The following SEMA4A variants were observed in gnomAD, a reference collection of about 807,000 sequenced individuals.
SEMA4A encodes the protein semaphorin 4A.
Under a neutral mutation model 72.5 loss-of-function variants are expected in SEMA4A, and 52 were observed. The observed-to-expected ratio is 0.72, with a 90% CI of 0.57 to 0.90. The LOEUF is 0.90. Among genes scored for constraint, SEMA4A ranks in the 40% least tolerant of loss-of-function variants. The pLI, the probability that SEMA4A is intolerant of heterozygous loss-of-function variation, is 0.00. For missense variants in SEMA4A, 926 were observed against 959.7 expected, an observed-to-expected ratio of 0.96 and a Z score of 0.46; for synonymous variants, 369 against 393.1, an observed-to-expected ratio of 0.94 and a Z score of 0.73.
chr1:156,160,918 T>C lies in SEMA4A; in HGVS notation c.699T>C (p.Phe233=), dbSNP rs1015406149. The C allele has an allele frequency of 3.1e-6, 5 of 1,613,182 alleles. No homozygotes were observed. Among genetic ancestry groups the C allele is most frequent in the South Asian group, 2.2e-5 (2 of 91,054 alleles). ...CCTCCCCCGCAGATGACGCCTCCTTTGTGGCAGCCATCCCTTCGACCCAGG... is the reference window on the plus strand; with the variant it reads ...CCTCCCCCGCAGATGACGCCTCCTTCGTGGCAGCCATCCCTTCGACCCAGG... The part of the protein sequence containing the change: ...FLRWLHHDAS[F]VAAIPSTQVV... Residue 233 remains phenylalanine (F), a synonymous_variant, in exon 8 of 15, where the codon TTT becomes TTC. Coordinates refer to ENST00000368285, the MANE Select transcript of SEMA4A (RefSeq NM_022367.4).
At chr1:156,161,695 G>A in intron 9 of SEMA4A, 177 bp downstream of exon 9, 3 of 619,712 alleles carry the variant, frequency 4.8e-6, no homozygotes, top group Non-Finnish European at 8.3e-6. Flanking sequence ...TTTTGTAAAT[G>A]GGAAAAATAA....
intron 10 of SEMA4A, among the ~76,000 whole-genome samples, chr1:156,168,475 C>T (rs111616737): frequency 0.016 from 2,490 of 152,214 alleles, 69 homozygotes; most frequent in African/African-American, 0.057. Flanking sequence ...CTGCCCGTCT[C>T]GGCCTCCCAA....
upstream of SEMA4A, among the ~76,000 whole-genome samples, chr1:156,150,511 T>C (rs1462074856): frequency 6.6e-6 from 1 of 152,018 alleles, no homozygotes; most frequent in Non-Finnish European, 1.5e-5. Context: ...AGAACTGGAC[T>C]CTTCTGTGGG....
At chr1:156,168,908 G>A (rs1654439085) in intron 10 of SEMA4A, among the ~76,000 whole-genome samples, 1 of 152,196 alleles carries the variant, frequency 6.6e-6, no homozygotes, top group Non-Finnish European at 1.5e-5. Context: ...CAGGGGAAGA[G>A]GGTTGGGTTT....
chr1:156,158,906 C>CCTGCCTTTTGG, intron 6 of SEMA4A, 82 bp downstream of exon 6: 1 of 1,279,300 alleles, frequency 7.8e-7, no homozygotes, highest in Non-Finnish European at 1.1e-6. Context: ...CAGAGTTTTC[C>CCTGCCTTTTGG]AAAAGGCAGG....
chr1:156,170,967 C>G (rs902657978), intron 10 of SEMA4A, among the ~76,000 whole-genome samples: 10 of 151,870 alleles, frequency 6.6e-5, no homozygotes, highest in Non-Finnish European at 1.0e-4. Context: ...AATCCCAGCA[C>G]TTTGGGAGGC....
At chr1:156,154,947 A>G (rs1652876618) in intron 2 of SEMA4A, 1 of 593,328 alleles carries the variant, frequency 1.7e-6, no homozygotes, top group African/African-American at 1.9e-5. Context: ...ACAGGTGGCC[A>G]CGGGGCCAGG....
chr1:156,154,815 G>C, intron 2 of SEMA4A, 98 bp downstream of exon 2: 1 of 1,360,356 alleles, frequency 7.4e-7, no homozygotes, highest in Non-Finnish European at 1.0e-6. Flanking sequence ...AAATGGATAT[G>C]GAGAAACAGG....
Position 156,163,105 on chromosome 1 carries a change from C to T in SEMA4A, c.1134+11C>T. 1.2e-6 allele frequency: 2 copies of T among 1,607,716 alleles called. No individual in the cohort carries two copies. Among genetic ancestry groups the T allele is most frequent in the Non-Finnish European group, 8.5e-7 (1 of 1,176,178 alleles). On this transcript the variant is annotated intron_variant, in intron 10 of 14. Coordinates refer to ENST00000368285, the MANE Select transcript of SEMA4A (RefSeq NM_022367.4). Reference sequence around the variant, plus strand: ...CCCCGGCCAGGCAGTGTGAGTACTACCCCCCACACTGAGCACAGTCTACAC... The same window carrying T: ...CCCCGGCCAGGCAGTGTGAGTACTATCCCCCACACTGAGCACAGTCTACAC...
rs1183207437 is a variant in SEMA4A, at chr1:156,177,602, G to C, written c.*605G>C. 1.2e-5 allele frequency: 2 copies of C among 162,690 alleles called. No homozygotes were observed. The highest frequency in any genetic ancestry group is 2.7e-5 in the Non-Finnish European group (2 of 73,124). 10.1% of individuals were successfully genotyped at this position (162,690 alleles called of 1,614,324 possible). A position where few individuals can be genotyped will look rare whatever the true frequency, so the allele number is the denominator to read the frequency against. On this transcript the variant is annotated 3_prime_UTR_variant, in exon 15 of 15. Transcript: ENST00000368285. ...GACTCTGATCCCTTCTGCCCTGGCA[G>C]AATGGCAGGGGTAATCTGAGCCTTC...
chr1:156,175,184 C>A lies in SEMA4A; in HGVS notation c.1533C>A (p.Asp511Glu). 6.2e-7 allele frequency: 1 copy of A among 1,614,094 alleles called. No individual in the cohort carries two copies. ...GTGTGGACTGTGTCCTTGCCCGGGA[C>A]CCCCACTGTGCCTGGGACCCTGAGT... The part of the protein sequence containing the change: ...ESCVDCVLAR[D>E]PHCAWDPESR... Residue 511 changes from aspartate to glutamate, a missense_variant, in exon 13 of 15, where the codon GAC becomes GAA. Transcript: ENST00000368285.
chr1:156,174,739 T>G, intron 11 of SEMA4A, 83 bp from the exon 12 acceptor site: 1 of 1,582,520 alleles, frequency 6.3e-7, no homozygotes, highest in Non-Finnish European at 8.7e-7. Flanking sequence ...AGGAGCTTTC[T>G]TACAGCTGGG....
intron 1 of SEMA4A, 56 bp from the exon 2 acceptor site, chr1:156,154,494 G>A (rs2102932142): frequency 2.0e-6 from 3 of 1,497,336 alleles, no homozygotes; most frequent in South Asian, 1.2e-5. Flanking sequence ...TTGGTCCTCG[G>A]GGGGATGTGG....
Position 156,175,555 on chromosome 1 carries a change from G to A in SEMA4A, c.1593-1G>A. Reference sequence around the variant, plus strand: ...AATTTTTACTTTCTCTGCTCTCTTAGGAACTCCTGGAAGCAGGACATGGAG... The same window carrying A: ...AATTTTTACTTTCTCTGCTCTCTTAAGAACTCCTGGAAGCAGGACATGGAG... On this transcript the variant is annotated splice_acceptor_variant, in intron 13 of 14. Transcript: ENST00000368285. LOFTEE classifies it high-confidence loss of function. The A allele has an allele frequency of 1.2e-6, 2 of 1,611,088 alleles. No homozygotes were observed. Among genetic ancestry groups the A allele is most frequent in the Non-Finnish European group, 1.7e-6 (2 of 1,177,722 alleles).
At chr1:156,151,930 C>G (rs895740529), upstream of SEMA4A, among the ~76,000 whole-genome samples, 2 of 149,988 alleles carry the variant, frequency 1.3e-5, no homozygotes, top group Non-Finnish European at 3.0e-5. Context: ...CCCCAGAGAT[C>G]TGATTTCTTA....
rs146011929 is a variant in SEMA4A at position 156,175,645 on chromosome 1, G to A, written c.1682G>A (p.Arg561His). The change falls in exon 14 of 15, where the codon CGC (arginine) becomes CAC (histidine). Residue 561 changes from arginine (R) to histidine (H), a missense_variant. Arg to His is a conservative substitution (Grantham distance 29). Coordinates refer to ENST00000368285, the MANE Select transcript of SEMA4A (RefSeq NM_022367.4). Reference protein sequence around the residue: ...PMSRSLRPQSRPQIIKEVLAV... With the variant: ...PMSRSLRPQSHPQIIKEVLAV... ...AGCAGGAGCCTTCGGCCTCAGAGCC[G>A]CCCGCAAATCAGTGAGTGTAGGACC... 358 of 1,606,602 alleles carry A rather than the reference G, an allele frequency of 2.2e-4. 1 individual carries two copies. In the African/African-American group the frequency reaches 4.2e-3, roughly 19 times the overall value.
intron 10 of SEMA4A, chr1:156,163,367 C>T (rs897538138): frequency 8.5e-6 from 4 of 473,182 alleles, no homozygotes; most frequent in Admixed American, 3.4e-5. Flanking sequence ...AGGGAACATG[C>T]GCTGTGTGCC....
At chr1:156,163,118 GCA>G (rs143862668) in intron 10 of SEMA4A, 24 bp downstream of exon 10, 336,471 of 1,612,052 alleles carry the variant, frequency 0.21, 37,305 homozygotes, top group Middle Eastern at 0.24. Context: ...CCCACACTGA[GCA>G]CAGTCTACAC....
At chr1:156,175,268 C>T in intron 13 of SEMA4A, 25 bp downstream of exon 13, 2 of 1,597,780 alleles carry the variant, frequency 1.3e-6, no homozygotes, top group Non-Finnish European at 1.7e-6. Flanking sequence ...TGGATGGTGG[C>T]CTGGATGGCC....
Sources: gnomAD v4.1 joint callset for allele counts (sites outside exome capture counted in the v4.1 genomes callset) on GRCh38, gnomAD v4.1.1 for gene constraint, MANE v1.5 for transcripts, NCBI Gene and HGNC (gene_info 2026-07-23, HGNC 2026-07-21) for gene names.